SNTG2: variants seen among roughly 807,000 people sequenced by gnomAD.
SNTG2 encodes syntrophin gamma 2, also known as gamma-2-syntrophin.
A neutral mutation model predicts 70.9 loss-of-function variants in SNTG2; 74 were observed. The observed-to-expected ratio is 1.04, with a 90% CI of 0.86 to 1.27. SNTG2 has a LOEUF of 1.27. Among genes scored for constraint, SNTG2 ranks in the 50% most tolerant of loss-of-function variants. The pLI, the probability that SNTG2 is intolerant of heterozygous loss-of-function variation, is 0.00. For synonymous variants in SNTG2, 278 were observed against 273.8 expected (o/e 1.02, Z -0.15); for missense variants, 717 against 690.7 (o/e 1.04, Z -0.43).
At chr2:996,673 G>GTTTTTTTTTGTTTTTTTTTTTTT (rs1661691160) in intron 1 of SNTG2, among the ~76,000 whole-genome samples, 2 of 35,114 alleles carry the variant, frequency 5.7e-5, no homozygotes, top group African/African-American at 2.5e-4. Flanking sequence ...GAGTTACCCA[G>GTTTTTTTTTGTTTTTTTTTTTTT]TTTTTTTTTT....
intron 8 of SNTG2, among the ~76,000 whole-genome samples, chr2:1,176,343 A>AT (rs1427175401): frequency 6.6e-6 from 1 of 152,146 alleles, no homozygotes; most frequent in East Asian, 1.9e-4. Flanking sequence ...AAAAATAACT[A>AT]TTGAGTATTA....
At chr2:1,164,047 A>G (rs1392483981) in intron 6 of SNTG2, among the ~76,000 whole-genome samples, 1 of 152,224 alleles carries the variant, frequency 6.6e-6, no homozygotes, top group African/African-American at 2.4e-5. Context: ...AAGTGACTGA[A>G]GAAATGAGGA....
At chr2:1,310,541 C>T (rs1171913822) in intron 15 of SNTG2, among the ~76,000 whole-genome samples, 1 of 152,166 alleles carries the variant, frequency 6.6e-6, no homozygotes, top group Non-Finnish European at 1.5e-5. Context: ...CTGGAGTGGC[C>T]ATGGGGTTCC....
chr2:1,143,860 G>A lies in SNTG2; in HGVS notation c.411+6051G>A, dbSNP rs1157565255. Among the ~76,000 whole-genome samples, 13 of 150,180 alleles carry A rather than the reference G, an allele frequency of 8.7e-5. No homozygotes were observed. The East Asian group carries it at 1.8e-3, about 21-fold the overall frequency. On this transcript the variant is annotated intron_variant, in intron 6 of 16. Transcript: ENST00000308624. Reference sequence around the variant, plus strand: ...TGCACTCCAGCCTGGGCGACAGAGCGAGACTCTGTCTCAAACAACAAACAA... The same window carrying A: ...TGCACTCCAGCCTGGGCGACAGAGCAAGACTCTGTCTCAAACAACAAACAA...
At chr2:1,253,750 G>A (rs573517153) in intron 12 of SNTG2, among the ~76,000 whole-genome samples, 9 of 152,262 alleles carry the variant, frequency 5.9e-5, no homozygotes, top group South Asian at 2.1e-4. Flanking sequence ...CCACAGTTCC[G>A]CAAGCTGTAC....
At chr2:1,362,050 T>C (rs112300166) in intron 16 of SNTG2, among the ~76,000 whole-genome samples, 1 of 151,846 alleles carries the variant, frequency 6.6e-6, no homozygotes, top group African/African-American at 2.4e-5. Context: ...AGCATTTCAG[T>C]AGAACTTCCA....
chr2:1,131,173 A>G lies in SNTG2; in HGVS notation c.326-6449A>G, dbSNP rs540850482. 4.6e-5 allele frequency among the ~76,000 whole-genome samples: 7 copies of G among 152,278 alleles called. No homozygotes were observed. The East Asian group carries it at 1.4e-3, about 29-fold the overall frequency. ...AGACATTCTGGTCTGTTAAGATCATACATGCACTGTCTGATTTATTCCTGG... is the reference window on the plus strand; with the variant it reads ...AGACATTCTGGTCTGTTAAGATCATGCATGCACTGTCTGATTTATTCCTGG... On this transcript the variant is annotated intron_variant, in intron 4 of 16. Coordinates refer to ENST00000308624, the MANE Select transcript of SNTG2 (RefSeq NM_018968.4).
At position 1,247,370 on chromosome 2, in the gene SNTG2, A is replaced by G. The variant is rs772941969; in HGVS notation, c.932A>G (p.Asp311Gly). 4 of 1,613,588 alleles carry G rather than the reference A, an allele frequency of 2.5e-6. No individual in the cohort carries two copies. The highest frequency in any genetic ancestry group is 3.4e-6 in the Non-Finnish European group (4 of 1,179,782). ...GWVNEKLQGA[D>G]SSQTFRPKFL... is the part of the protein sequence containing the mutation. ...GTAAATGAGAAACTCCAAGGAGCTG[A>G]CTCCTCTCAAACCTTCAGACCCAAG... Residue 311 changes from aspartate to glycine, a missense_variant, in exon 12 of 17, where the codon GAC becomes GGC. Physicochemically the swap from Asp to Gly is moderately conservative, Grantham distance 94 (BLOSUM62 -1). Coordinates refer to ENST00000308624, the MANE Select transcript of SNTG2 (RefSeq NM_018968.4).
At chr2:1,209,066 G>C (rs759341479) in intron 8 of SNTG2, 37 bp from the exon 9 acceptor site, 51 of 1,609,740 alleles carry the variant, frequency 3.2e-5, no homozygotes, top group Non-Finnish European at 4.2e-5. Context: ...AGCCTCCTCT[G>C]CCTCTGTGAC....
intron 1 of SNTG2, among the ~76,000 whole-genome samples, chr2:1,078,261 G>T (rs975065669): frequency 2.0e-5 from 3 of 152,184 alleles, no homozygotes; most frequent in South Asian, 2.1e-4. Context: ...TGGAACTCAT[G>T]CTCTGTTGTC....
intron 14 of SNTG2, among the ~76,000 whole-genome samples, chr2:1,283,197 C>G (rs1325432417): frequency 6.6e-6 from 1 of 152,132 alleles, no homozygotes; most frequent in African/African-American, 2.4e-5. Context: ...CCGCCCACGC[C>G]CTAACTCCTC....
chr2:1,251,582 G>A (rs1677767572), intron 12 of SNTG2, among the ~76,000 whole-genome samples: 1 of 132,626 alleles, frequency 7.5e-6, no homozygotes, highest in South Asian at 2.5e-4. Context: ...CCTCCCACAG[G>A]CACATACCAC....
intron 1 of SNTG2, among the ~76,000 whole-genome samples, chr2:1,054,126 C>T (rs913994481): frequency 2.2e-4 from 33 of 152,166 alleles, no homozygotes; most frequent in African/African-American, 7.5e-4. Flanking sequence ...ACTGCGGACC[C>T]GTGTCATTGC....
chr2:1,247,518 C>G, intron 12 of SNTG2, 75 bp downstream of exon 12: 1 of 1,052,910 alleles, frequency 9.5e-7, no homozygotes, highest in Non-Finnish European at 1.5e-6. Flanking sequence ...AAAGCTACAT[C>G]TGGTGTTTGG....
chr2:1,086,936 C>T (rs1467927371), intron 2 of SNTG2, among the ~76,000 whole-genome samples: 1 of 152,042 alleles, frequency 6.6e-6, no homozygotes. Context: ...CAATGAGAAG[C>T]ATGAAGTATA....
chr2:1,323,423 C>T (rs1170521668), intron 16 of SNTG2, among the ~76,000 whole-genome samples: 3 of 149,602 alleles, frequency 2.0e-5, no homozygotes, highest in Admixed American at 6.7e-5. Flanking sequence ...GGTTGAGACC[C>T]CCCATAGGCT....
intron 15 of SNTG2, among the ~76,000 whole-genome samples, chr2:1,310,499 T>G (rs903049613): frequency 1.3e-5 from 2 of 152,222 alleles, no homozygotes; most frequent in African/African-American, 4.8e-5. Context: ...AGCCAAGCCC[T>G]GAGCCCCGTA....
At chr2:1,302,888 C>A (rs1680517882) in intron 14 of SNTG2, among the ~76,000 whole-genome samples, 1 of 151,928 alleles carries the variant, frequency 6.6e-6, no homozygotes, top group African/African-American at 2.4e-5. Flanking sequence ...TTACTAGGTG[C>A]AGAGAGAGTG....
At chr2:1,269,346 T>C (rs1394877544) in intron 14 of SNTG2, among the ~76,000 whole-genome samples, 2 of 151,940 alleles carry the variant, frequency 1.3e-5, no homozygotes, top group Non-Finnish European at 2.9e-5. Flanking sequence ...AGAAGCCCCA[T>C]CTCTGCAAAA....
Sources: allele counts gnomAD v4.1 joint callset (sites outside exome capture counted in the v4.1 genomes callset), GRCh38; gene constraint gnomAD v4.1.1; transcripts MANE v1.5; gene names NCBI Gene and HGNC (gene_info 2026-07-23, HGNC 2026-07-21).